ADCY9: variants seen among roughly 807,000 people sequenced by gnomAD.
The protein encoded by ADCY9 is adenylate cyclase type 9.
In ADCY9, 50 loss-of-function variants were observed where a neutral mutation model predicts 101.5. The observed-to-expected ratio is 0.49, with a 90% CI of 0.39 to 0.62. The LOEUF (loss-of-function observed/expected upper bound fraction) is 0.62. Ranked by LOEUF, ADCY9 falls within the 20% of genes least tolerant of loss-of-function variation. The probability of loss-of-function intolerance (pLI) is 0.00; values close to 1 mark genes in which losing one functional copy is unlikely to be tolerated. For synonymous variants in ADCY9, 905 were observed against 769.3 expected (o/e 1.18, Z -2.92); for missense variants, 1,662 against 1,800.4 (o/e 0.92, Z 1.39).
chr16:3,969,116 G>T (rs879511844), intron 10 of ADCY9, among the ~76,000 whole-genome samples: 1 of 149,868 alleles, frequency 6.7e-6, no homozygotes, highest in Non-Finnish European at 1.5e-5. Context: ...GAGCCACCGC[G>T]CCCAGTCTCT....
intron 2 of ADCY9, among the ~76,000 whole-genome samples, chr16:4,071,360 A>T (rs2056833340): frequency 1.4e-5 from 2 of 145,728 alleles, no homozygotes; most frequent in African/African-American, 5.1e-5. Context: ...AAAAAAAAAA[A>T]AAAATCAAAA....
chr16:4,102,189 A>C (rs365010), intron 2 of ADCY9, among the ~76,000 whole-genome samples: 40,586 of 152,014 alleles, frequency 0.27, 5,789 homozygotes, highest in Non-Finnish European at 0.31. Flanking sequence ...TATGCAAATA[A>C]GTGCTTTTCT....
chr16:4,104,753 A>G (rs1348334271), intron 2 of ADCY9, among the ~76,000 whole-genome samples: 4 of 152,234 alleles, frequency 2.6e-5, no homozygotes, highest in African/African-American at 9.6e-5. Context: ...ACATATTGCA[A>G]CAAATTGAAT....
chr16:3,969,447 T>G (rs1258206045), intron 10 of ADCY9, among the ~76,000 whole-genome samples: 1 of 145,138 alleles, frequency 6.9e-6, no homozygotes, highest in Non-Finnish European at 1.5e-5. Context: ...CCATGTTGGC[T>G]GGGCTGGTCT....
In ADCY9 at chr16:4,115,011, G is replaced by A. The variant is rs752596241; in HGVS notation, c.432C>T (p.Val144=). ...FAVHMRSRLI[V]MVAPALCFLL... is the part of the protein sequence containing the mutation. Reference sequence around the variant, plus strand: ...GGAAGCACAGCGCGGGGGCGACCATGACGATCAGTCTGGATCTCATGTGGA... The same window carrying A: ...GGAAGCACAGCGCGGGGGCGACCATAACGATCAGTCTGGATCTCATGTGGA... The change falls in exon 2 of 11, where the codon GTC becomes GTT. Residue 144 remains valine, a synonymous_variant. Coordinates refer to ENST00000294016, the MANE Select transcript of ADCY9 (RefSeq NM_001116.4). This position sits in a 1 kb window ranked among gnomAD's most constrained non-coding sequence, Gnocchi z 6.2. 8 of 1,614,134 alleles carry A rather than the reference G, an allele frequency of 5.0e-6. No individual in the cohort carries two copies. Among genetic ancestry groups the A allele is most frequent in the Admixed American group, 1.7e-5 (1 of 60,028 alleles).
At chr16:4,035,953 C>T (rs1352035193) in intron 2 of ADCY9, among the ~76,000 whole-genome samples, 13 of 127,836 alleles carry the variant, frequency 1.0e-4, no homozygotes, top group South Asian at 2.7e-4. Context: ...GAGCCCAAAT[C>T]GTGCCATTGC....
At position 4,114,305 on chromosome 16, in the gene ADCY9, T is replaced by C. The variant is rs1446904270; in HGVS notation, c.1138A>G (p.Ile380Val). The C allele has an allele frequency of 1.2e-6, 2 of 1,613,864 alleles. No homozygotes were observed. Among genetic ancestry groups the C allele is most frequent in the African/African-American group, 1.3e-5 (1 of 74,934 alleles). Residue 380 changes from isoleucine (I) to valine (V), a missense_variant, in exon 2 of 11, where the codon ATA becomes GTA. Physicochemically the swap from Ile to Val is conservative, Grantham distance 29 (BLOSUM62 3). This residue lies in a region of ADCY9 where 228 missense variants were observed against 301.1 expected (regional missense o/e 0.76). Transcript: ENST00000294016. This position sits in a 1 kb window ranked among gnomAD's most constrained non-coding sequence, Gnocchi z 4.3. ...TGCATCTTAAAAGGGCGGAAGGCTA[T>C]AGGAGCTTTTTGGATGGAAGACTTT... ...KKKSSIQKAP[I>V]AFRPFKMQQI...
At chr16:4,104,272 C>T (rs1283771135) in intron 2 of ADCY9, among the ~76,000 whole-genome samples, 3 of 152,142 alleles carry the variant, frequency 2.0e-5, no homozygotes, top group Non-Finnish European at 2.9e-5. Flanking sequence ...ACTTTACTGA[C>T]GTCAACATGT....
intron 2 of ADCY9, among the ~76,000 whole-genome samples, chr16:4,014,659 G>A (rs1437908863): frequency 2.0e-5 from 3 of 151,982 alleles, no homozygotes; most frequent in Admixed American, 6.6e-5. Context: ...TGCTGGACAG[G>A]CTGGTCTCGA....
chr16:4,100,857 A>T (rs2057038769), intron 2 of ADCY9, among the ~76,000 whole-genome samples: 1 of 152,126 alleles, frequency 6.6e-6, no homozygotes. Context: ...GGATCCTAGG[A>T]TTTCACAGTG....
At chr16:3,998,982 T>C (rs2056311485) in intron 3 of ADCY9, among the ~76,000 whole-genome samples, 2 of 151,910 alleles carry the variant, frequency 1.3e-5, no homozygotes. Flanking sequence ...AGCGATTCAT[T>C]AGCTTAATTT....
chr16:3,995,206 T>C (rs1162653630), intron 3 of ADCY9, among the ~76,000 whole-genome samples: 4 of 152,088 alleles, frequency 2.6e-5, no homozygotes, highest in South Asian at 4.1e-4. Flanking sequence ...GGTGGGAGGA[T>C]GGCTTGAGTC....
chr16:3,973,830 AAATCTGTC>A (rs113224264), intron 10 of ADCY9, among the ~76,000 whole-genome samples: 3,616 of 151,862 alleles, frequency 0.024, 154 homozygotes, highest in African/African-American at 0.08. Context: ...CCTTCCTCTC[AAATCTGTC>A]CATCTTTTCG....
At chr16:3,988,523 TGTCGGGGTTCCTTTCCAG>T (rs2056215566) in intron 6 of ADCY9, among the ~76,000 whole-genome samples, 1 of 72,124 alleles carries the variant, frequency 1.4e-5, no homozygotes, top group Admixed American at 1.9e-4. Flanking sequence ...CCAGGGCAGG[TGTCGGGGTTCCTTTCCAG>T]GGCAGGTGGG....
intron 10 of ADCY9, among the ~76,000 whole-genome samples, chr16:3,969,193 A>G (rs1057066436): frequency 5.3e-5 from 8 of 152,132 alleles, no homozygotes; most frequent in African/African-American, 1.9e-4. Context: ...TGATGGAGAC[A>G]GCCATGGTCA....
chr16:3,983,486 G>A lies in ADCY9; in HGVS notation c.2311-46C>T, dbSNP rs374049367. On this transcript the variant is annotated intron_variant, in intron 6 of 10. Transcript: ENST00000294016. ...GCAGAATGACTGGGAGGCCATGGGCGGCCAGGAGCGCAGTTCAGATGGAGA... is the reference window on the plus strand; with the variant it reads ...GCAGAATGACTGGGAGGCCATGGGCAGCCAGGAGCGCAGTTCAGATGGAGA... 3.2e-4 allele frequency: 478 copies of A among 1,502,880 alleles called. 1 individual carries two copies. Among genetic ancestry groups the A allele is most frequent in the Non-Finnish European group, 4.2e-4 (462 of 1,098,582 alleles). 93.1% of individuals were successfully genotyped at this position (1,502,880 alleles called of 1,614,324 possible).
intron 2 of ADCY9, among the ~76,000 whole-genome samples, chr16:4,098,148 G>A (rs2057019959): frequency 6.6e-6 from 1 of 152,130 alleles, no homozygotes; most frequent in Non-Finnish European, 1.5e-5. Context: ...CGGTCCTGAG[G>A]GATGGGGTTT....
At chr16:4,092,785 T>C (rs1344385391) in intron 2 of ADCY9, among the ~76,000 whole-genome samples, 1 of 152,228 alleles carries the variant, frequency 6.6e-6, no homozygotes, top group African/African-American at 2.4e-5. Context: ...CTTAGCCCTT[T>C]CCATCAAACG....
At chr16:4,037,626 A>G (rs1597182606) in intron 2 of ADCY9, among the ~76,000 whole-genome samples, 1 of 152,206 alleles carries the variant, frequency 6.6e-6, no homozygotes, top group Non-Finnish European at 1.5e-5. Context: ...CCCACTTCTT[A>G]ATATTATTCT....
Sources: gnomAD v4.1 joint callset for allele counts (sites outside exome capture counted in the v4.1 genomes callset) on GRCh38, gnomAD v4.1.1 for gene constraint, gnomAD v4.1.1 regional missense constraint, Gnocchi (gnomAD v3.1) non-coding constraint, MANE v1.5 for transcripts, NCBI Gene and HGNC (gene_info 2026-07-23, HGNC 2026-07-21) for gene names.